The following CPOX variants were observed in gnomAD, a reference collection of about 807,000 sequenced individuals.
The protein encoded by CPOX is coproporphyrinogen oxidase, also known as oxygen-dependent coproporphyrinogen-III oxidase, mitochondrial.
Under a neutral mutation model 48.9 loss-of-function variants are expected in CPOX, and 24 were observed. The ratio of observed to expected loss-of-function variants is 0.49; its 90% CI spans 0.36 to 0.69. The LOEUF (loss-of-function observed/expected upper bound fraction) is 0.69. Ranked by LOEUF, CPOX falls within the 30% of genes least tolerant of loss-of-function variation. The probability of loss-of-function intolerance (pLI) is 0.00; values close to 1 mark genes in which losing one functional copy is unlikely to be tolerated. For synonymous variants in CPOX, 249 were observed against 234.6 expected (o/e 1.06, Z -0.56); for missense variants, 549 against 597.3 (o/e 0.92, Z 0.84).
At chr3:98,572,736 T>C in the CPOX span, among the ~76,000 whole-genome samples, 1 of 152,232 alleles carries the variant, frequency 6.6e-6, no homozygotes, top group African/African-American at 2.4e-5. Context: ...CTTCCTGCCC[T>C]GTAACTCCGG....
intron 1 of CPOX, among the ~76,000 whole-genome samples, chr3:98,591,602 CA>C (rs1204485252): frequency 6.6e-6 from 1 of 151,970 alleles, no homozygotes; most frequent in East Asian, 1.9e-4. Context: ...AATTTACAAG[CA>C]ATTAAGAAAC....
chr3:98,593,197 G>A lies in CPOX; in HGVS notation c.308C>T (p.Pro103Leu), dbSNP rs1707516192. Reference sequence around the variant, plus strand: ...AGTGGCCCGCGTCCCCGAGGTCTTAGGCAACATCTCCGCCCGCTGCACATG... The same window carrying A: ...AGTGGCCCGCGTCCCCGAGGTCTTAAGCAACATCTCCGCCCGCTGCACATG... ...FGHVQRAEML[P>L]KTSGTRATSL... The change falls in exon 1 of 7, where the codon CCT becomes CTT. Residue 103 changes from proline (P) to leucine (L), a missense_variant. By Grantham distance (98) the Pro-to-Leu change is moderately conservative (BLOSUM62 -3). This residue lies in a region of CPOX where 336 missense variants were observed against 318.1 expected (regional missense o/e 1.06). Transcript: ENST00000647941. The A allele has an allele frequency of 6.2e-7, 1 of 1,601,842 alleles. No homozygotes were observed.
chr3:98,583,090 T>A (rs10935437), intron 5 of CPOX, among the ~76,000 whole-genome samples: 1 of 152,142 alleles, frequency 6.6e-6, no homozygotes, highest in East Asian at 1.9e-4. Flanking sequence ...CTAGTTTATA[T>A]TGATGTATTT....
chr3:98,577,429 G>A (rs1413654587), downstream of CPOX, among the ~76,000 whole-genome samples: 1 of 152,150 alleles, frequency 6.6e-6, no homozygotes, highest in Non-Finnish European at 1.5e-5. Context: ...AAGTATGTGA[G>A]ACTAAAGTAG....
At chr3:98,592,559 G>A (rs1707500640) in intron 1 of CPOX, among the ~76,000 whole-genome samples, 3 of 152,118 alleles carry the variant, frequency 2.0e-5, no homozygotes, top group Admixed American at 6.5e-5. Flanking sequence ...ATCTCCTAAA[G>A]AGGAAAAAGG....
rs1399004508 is a variant in CPOX, at chr3:98,580,458, CTA to C, written c.*223_*224del. ...TGTAAACTAGTCATATAAAATGACACTAGAAGTATAAATGAGGTTTAATCAAT... is the reference window on the plus strand; with the variant it reads ...TGTAAACTAGTCATATAAAATGACACGAAGTATAAATGAGGTTTAATCAAT... On this transcript the variant is annotated 3_prime_UTR_variant, in exon 7 of 7. Coordinates refer to ENST00000647941, the MANE Select transcript of CPOX (RefSeq NM_000097.7). 7.3e-6 allele frequency: 10 copies of C among 1,372,582 alleles called. No homozygotes were observed. The South Asian group carries it at 7.6e-5, about 10-fold the overall frequency. 85.0% of individuals were successfully genotyped at this position (1,372,582 alleles called of 1,614,324 possible).
At chr3:98,590,891 A>G in intron 2 of CPOX, 121 bp downstream of exon 2, 1 of 1,287,764 alleles carries the variant, frequency 7.8e-7, no homozygotes, top group East Asian at 2.4e-5. Flanking sequence ...GTATTTGTCA[A>G]CGTGCGGCAT....
chr3:98,584,894 T>A (rs1455939332), intron 5 of CPOX, among the ~76,000 whole-genome samples: 2 of 152,210 alleles, frequency 1.3e-5, no homozygotes, highest in African/African-American at 4.8e-5. Context: ...TTTGACCCAG[T>A]TCCACATCTG....
At chr3:98,586,541 A>G (rs1307633231) in intron 4 of CPOX, among the ~76,000 whole-genome samples, 3 of 152,224 alleles carry the variant, frequency 2.0e-5, no homozygotes, top group Non-Finnish European at 2.9e-5. Flanking sequence ...TTATTATTTC[A>G]TATGTCATAT....
At chr3:98,582,493 C>A (rs975399543) in intron 5 of CPOX, among the ~76,000 whole-genome samples, 8 of 150,634 alleles carry the variant, frequency 5.3e-5, no homozygotes, top group African/African-American at 2.0e-4. Flanking sequence ...ATTTTTTTTT[C>A]TTTTCTTTTT....
chr3:98,582,847 T>A (rs761962468), intron 5 of CPOX, among the ~76,000 whole-genome samples: 18 of 152,338 alleles, frequency 1.2e-4, no homozygotes, highest in Middle Eastern at 3.4e-3. Flanking sequence ...TCAAAAGCCC[T>A]GCAAAAGTGT....
the CPOX span, among the ~76,000 whole-genome samples, chr3:98,571,280 T>A: frequency 2.0e-5 from 3 of 152,364 alleles, no homozygotes; most frequent in South Asian, 6.2e-4. Flanking sequence ...TTCTGCCTGC[T>A]AATTTCTCTT....
In CPOX at chr3:98,588,740, G is replaced by A. The variant is rs1707414490; in HGVS notation, c.926C>T (p.Pro309Leu). The change falls in exon 4 of 7, where the codon CCA becomes CTA. Residue 309 changes from proline (P) to leucine (L), a missense_variant. This residue lies in a region of CPOX where 213 missense variants were observed against 279.1 expected (regional missense o/e 0.76). Coordinates refer to ENST00000647941, the MANE Select transcript of CPOX (RefSeq NM_000097.7). ...TLKEACDQHG[P>L]DLYPKFKKWC... ...TTTTTTAAATTTGGGGTAGAGATCT[G>A]GACCATGCTGGTCACAAGCCTCCTT... 1 of 1,614,138 alleles carries A rather than the reference G, an allele frequency of 6.2e-7. No individual in the cohort carries two copies. Among genetic ancestry groups the A allele is most frequent in the East Asian group, 2.2e-5 (1 of 44,876 alleles).
At chr3:98,592,304 G>A (rs1484461610) in intron 1 of CPOX, among the ~76,000 whole-genome samples, 1 of 152,124 alleles carries the variant, frequency 6.6e-6, no homozygotes, top group East Asian at 1.9e-4. Context: ...TTCACTGTAT[G>A]GGCAACAACA....
chr3:98,573,720 T>C, the CPOX span, among the ~76,000 whole-genome samples: 3 of 152,366 alleles, frequency 2.0e-5, no homozygotes, highest in South Asian at 4.1e-4. Context: ...TTTTAGTATC[T>C]GAGAAGACCT....
At chr3:98,583,057 C>G (rs1707291283) in intron 5 of CPOX, among the ~76,000 whole-genome samples, 1 of 152,152 alleles carries the variant, frequency 6.6e-6, no homozygotes, top group Non-Finnish European at 1.5e-5. Flanking sequence ...TGAAACATCT[C>G]TCTAGGGGAT....
intron 4 of CPOX, 191 bp from the exon 5 acceptor site, chr3:98,585,850 A>G (rs1707352086): frequency 1.6e-6 from 1 of 636,110 alleles, no homozygotes; most frequent in African/African-American, 1.8e-5. Context: ...CCAAGGTAGA[A>G]AATGCTTATC....
intron 3 of CPOX, among the ~76,000 whole-genome samples, chr3:98,589,118 G>A (rs1171374957): frequency 3.3e-5 from 5 of 152,242 alleles, no homozygotes; most frequent in African/African-American, 9.6e-5. Flanking sequence ...TCAGGAGTTC[G>A]AGACCAGCCT....
downstream of CPOX, among the ~76,000 whole-genome samples, chr3:98,574,820 C>T (rs1707135968): frequency 6.6e-6 from 1 of 152,146 alleles, no homozygotes; most frequent in Non-Finnish European, 1.5e-5. Flanking sequence ...CTCAGGTGAT[C>T]CACCCACCTC....
Sources: gnomAD v4.1 joint callset for allele counts (sites outside exome capture counted in the v4.1 genomes callset) on GRCh38, gnomAD v4.1.1 for gene constraint, gnomAD v4.1.1 regional missense constraint, MANE v1.5 for transcripts, NCBI Gene and HGNC (gene_info 2026-07-23, HGNC 2026-07-21) for gene names.